CTDSP2: variants seen among roughly 807,000 people sequenced by gnomAD.
CTDSP2 encodes the protein CTD small phosphatase 2.
A neutral mutation model predicts 31.6 loss-of-function variants in CTDSP2; 9 were observed. The ratio of observed to expected loss-of-function variants is 0.28; its 90% CI spans 0.17 to 0.50. The LOEUF is 0.50. Ranked by LOEUF, CTDSP2 falls within the 20% of genes least tolerant of loss-of-function variation. CTDSP2 has a pLI of 0.98. For missense variants in CTDSP2, 267 were observed against 348.5 expected, an observed-to-expected ratio of 0.77 and a Z score of 1.86; for synonymous variants, 134 against 134.5, an observed-to-expected ratio of 1.00 and a Z score of 0.03.
Position 57,827,059 on chromosome 12 carries a change from T to C in CTDSP2, c.291A>G (p.Glu97=), listed in dbSNP as rs1007735035. 4 of 1,613,914 alleles carry C rather than the reference T, an allele frequency of 2.5e-6. No homozygotes were observed. The highest frequency in any genetic ancestry group is 3.4e-6 in the Non-Finnish European group (4 of 1,179,980). ...GTCLLPEVTE[E]DQGRICVVID... ...TGACCACACAGATCCTTCCTTGATC[T>C]TCCTCTGTCACCTCTGGGAGCAGGC... Residue 97 remains glutamate, a synonymous_variant, in exon 4 of 8, where the codon GAA becomes GAG. Coordinates refer to ENST00000398073, the MANE Select transcript of CTDSP2 (RefSeq NM_005730.4).
chr12:57,838,759 A>G (rs559602854), intron 1 of CTDSP2, among the ~76,000 whole-genome samples: 7 of 152,346 alleles, frequency 4.6e-5, no homozygotes, highest in Admixed American at 1.3e-4. Flanking sequence ...GTATGCAGCC[A>G]TGGGCCTCAG....
chr12:57,832,790 T>TAAAAAAAAAAA (rs61390174), intron 1 of CTDSP2, among the ~76,000 whole-genome samples: 23 of 44,896 alleles, frequency 5.1e-4, no homozygotes, highest in Non-Finnish European at 7.8e-4. Flanking sequence ...AGACTCTGGC[T>TAAAAAAAAAAA]AAAAAAAAAA....
chr12:57,836,623 C>G (rs965572497), intron 1 of CTDSP2, among the ~76,000 whole-genome samples: 6 of 152,118 alleles, frequency 3.9e-5, no homozygotes, highest in African/African-American at 1.4e-4. Context: ...GCCTGGGTGA[C>G]AGAGTGAGAT....
chr12:57,840,983 G>T (rs1413070273), intron 1 of CTDSP2, among the ~76,000 whole-genome samples: 1 of 152,218 alleles, frequency 6.6e-6, no homozygotes, highest in Non-Finnish European at 1.5e-5. Context: ...GCCAGACAAA[G>T]AAACTCCATT....
chr12:57,846,089 G>A (rs1190502477), intron 1 of CTDSP2, among the ~76,000 whole-genome samples: 4 of 152,186 alleles, frequency 2.6e-5, no homozygotes, highest in Admixed American at 1.3e-4. Context: ...CCAGTGCTTC[G>A]AGAGCTACCC....
intron 2 of CTDSP2, among the ~76,000 whole-genome samples, chr12:57,828,087 A>C (rs1371486176): frequency 6.6e-6 from 1 of 152,202 alleles, no homozygotes; most frequent in Non-Finnish European, 1.5e-5. Context: ...GGGAGTGCAG[A>C]GAGATCAGCA....
intron 1 of CTDSP2, among the ~76,000 whole-genome samples, chr12:57,831,831 G>A (rs150279343): frequency 1.3e-5 from 2 of 152,372 alleles, no homozygotes; most frequent in African/African-American, 4.8e-5. Context: ...GGAAGACAAT[G>A]TGGTAGGGGC....
intron 1 of CTDSP2, among the ~76,000 whole-genome samples, chr12:57,846,147 G>A (rs1373496249): frequency 6.6e-6 from 1 of 152,212 alleles, no homozygotes; most frequent in African/African-American, 2.4e-5. Flanking sequence ...CAGGGTGACA[G>A]CTGCGCCGAA....
At chr12:57,826,916 T>C (rs749134784) in intron 4 of CTDSP2, 80 bp downstream of exon 4, 89 of 1,129,570 alleles carry the variant, frequency 7.9e-5, no homozygotes, top group Non-Finnish European at 1.1e-4. Flanking sequence ...TCCTCACCTT[T>C]AGGCTGCCTT....
chr12:57,832,734 C>T (rs1439161274), intron 1 of CTDSP2, among the ~76,000 whole-genome samples: 1 of 123,826 alleles, frequency 8.1e-6, no homozygotes, highest in Non-Finnish European at 1.6e-5. Flanking sequence ...ATAGGTTGCA[C>T]TGAGCTGAGA....
At chr12:57,835,348 G>A (rs1194378507) in intron 1 of CTDSP2, among the ~76,000 whole-genome samples, 2 of 151,324 alleles carry the variant, frequency 1.3e-5, no homozygotes, top group African/African-American at 2.4e-5. Flanking sequence ...AAAGGGATGA[G>A]GTCTCACTAT....
At position 57,844,149 on chromosome 12, in the gene CTDSP2, T is replaced by C. The variant is rs372575027; in HGVS notation, c.64+2223A>G. Among the ~76,000 whole-genome samples, 20 of 152,150 alleles carry C rather than the reference T, an allele frequency of 1.3e-4. No homozygotes were observed. In the South Asian group the frequency reaches 3.5e-3, roughly 27 times the overall value. On this transcript the variant is annotated intron_variant, in intron 1 of 7. Coordinates refer to ENST00000398073, the MANE Select transcript of CTDSP2 (RefSeq NM_005730.4). The stretch of plus-strand genomic sequence containing the variant: ...GGCGGAGGTTGCAGTGAGCTGAGAT[T>C]GCGCCACTGCACTCTAGCCTGGGCA...
chr12:57,846,704 T>G lies in CTDSP2; in HGVS notation c.-269A>C. On this transcript the variant is annotated 5_prime_UTR_variant, in exon 1 of 8. It removes an upstream start codon present in the reference 5' UTR. Coordinates refer to ENST00000398073, the MANE Select transcript of CTDSP2 (RefSeq NM_005730.4). ...CGGGCTCCTCAGTTTGGGTCCAACA[T>G]GGAGAATCCGGAGCGAAAACAAGAG... 3 of 371,024 alleles carry G rather than the reference T, an allele frequency of 8.1e-6. No individual in the cohort carries two copies. Among genetic ancestry groups the G allele is most frequent in the Non-Finnish European group, 1.4e-5 (3 of 209,114 alleles). The allele number at this position is 371,024 out of a possible 1,614,324, so 23.0% of individuals were successfully genotyped here. A position where few individuals can be genotyped will look rare whatever the true frequency, so the allele number is the denominator to read the frequency against.
intron 1 of CTDSP2, among the ~76,000 whole-genome samples, chr12:57,832,568 G>A (rs1262161767): frequency 1.3e-5 from 2 of 152,036 alleles, no homozygotes; most frequent in Non-Finnish European, 2.9e-5. Context: ...GAGGTGGGCG[G>A]ATCGCCTGAG....
chr12:57,841,799 TCTAA>T (rs763335902), intron 1 of CTDSP2, among the ~76,000 whole-genome samples: 12 of 152,202 alleles, frequency 7.9e-5, no homozygotes, highest in Non-Finnish European at 1.6e-4. Flanking sequence ...AACAGAGTAG[TCTAA>T]CTATGTAAAG....
intron 1 of CTDSP2, chr12:57,845,419 A>T (rs1334854772): frequency 6.6e-6 from 1 of 152,216 alleles, no homozygotes; most frequent in East Asian, 1.9e-4. Context: ...GCCCCGGGAG[A>T]GGCCTCGGCC....
At chr12:57,831,355 A>G (rs187244499) in intron 1 of CTDSP2, among the ~76,000 whole-genome samples, 4 of 152,162 alleles carry the variant, frequency 2.6e-5, no homozygotes, top group Admixed American at 2.6e-4. Flanking sequence ...TGGGAGGCTG[A>G]GGCAGGAGAA....
chr12:57,845,873 A>G (rs1208077458), intron 1 of CTDSP2, among the ~76,000 whole-genome samples: 1 of 151,766 alleles, frequency 6.6e-6, no homozygotes, highest in African/African-American at 2.4e-5. Context: ...GTCCCGCCGG[A>G]CGCCGTCACC....
chr12:57,830,329 G>A (rs1956207779), intron 1 of CTDSP2, among the ~76,000 whole-genome samples: 1 of 152,104 alleles, frequency 6.6e-6, no homozygotes. Flanking sequence ...AGCTTGCAGT[G>A]AGCCAAGATC....
Sources: allele counts gnomAD v4.1 joint callset (sites outside exome capture counted in the v4.1 genomes callset), GRCh38; gene constraint gnomAD v4.1.1; transcripts MANE v1.5; gene names NCBI Gene and HGNC (gene_info 2026-07-23, HGNC 2026-07-21).